Variants in GIGYF2 observed in about 807,000 individuals in gnomAD.
The protein encoded by GIGYF2 is GRB10-interacting GYF protein 2.
In GIGYF2, 25 loss-of-function variants were observed where a neutral mutation model predicts 208.1. The observed-to-expected ratio is 0.12, with a 90% CI of 0.09 to 0.17. The LOEUF (loss-of-function observed/expected upper bound fraction) is 0.17, where lower values mean the gene tolerates loss of function less well. GIGYF2 is among the 10% of genes least tolerant of loss of function. The pLI is 1.00. For missense variants in GIGYF2, 1,302 were observed against 1,579.4 expected, an observed-to-expected ratio of 0.82 and a Z score of 2.98; for synonymous variants, 534 against 543.8, an observed-to-expected ratio of 0.98 and a Z score of 0.25.
At chr2:232,706,831 A>C (rs766639351) in intron 2 of GIGYF2, among the ~76,000 whole-genome samples, 1 of 151,650 alleles carries the variant, frequency 6.6e-6, no homozygotes. Context: ...GTGGTAATGC[A>C]TGCCTTGGTC....
In GIGYF2 at chr2:232,857,170, C is replaced by T; in HGVS notation, c.*310C>T. 2 of 462,416 alleles carry T rather than the reference C, an allele frequency of 4.3e-6. No individual in the cohort carries two copies. The highest frequency in any genetic ancestry group is 2.4e-5 in the South Asian group (1 of 42,110). 28.6% of individuals were successfully genotyped at this position (462,416 alleles called of 1,614,324 possible). On this transcript the variant is annotated 3_prime_UTR_variant, in exon 29 of 29. Coordinates refer to ENST00000373563, the MANE Select transcript of GIGYF2 (RefSeq NM_001103146.3). ...TGCTGTGATTTCATCTACTGTCTCC[C>T]AGAAAGTGTGTTGGGATCGGCCATT...
chr2:232,803,482 C>T (rs980496614), intron 14 of GIGYF2, among the ~76,000 whole-genome samples: 4 of 152,000 alleles, frequency 2.6e-5, no homozygotes, highest in African/African-American at 7.2e-5. Flanking sequence ...CATTTAAGTT[C>T]ATGGTCCATT....
intron 8 of GIGYF2, among the ~76,000 whole-genome samples, chr2:232,762,593 C>T (rs1698791211): frequency 1.3e-5 from 2 of 152,074 alleles, no homozygotes; most frequent in South Asian, 4.2e-4. Flanking sequence ...TATGTAAATA[C>T]CATTCACAGA....
intron 8 of GIGYF2, among the ~76,000 whole-genome samples, chr2:232,769,527 AG>A (rs1368106844): frequency 6.7e-6 from 1 of 150,074 alleles, no homozygotes; most frequent in South Asian, 2.1e-4. Context: ...AAAAAAAAAA[AG>A]TGATATTTTG....
At position 232,850,289 on chromosome 2, in the gene GIGYF2, A is replaced by G. The variant is rs368715874; in HGVS notation, c.3712A>G (p.Thr1238Ala). The G allele has an allele frequency of 2.5e-6, 4 of 1,613,248 alleles. No homozygotes were observed. The highest frequency in any genetic ancestry group is 4.5e-5 in the East Asian group (2 of 44,888). Residue 1238 changes from threonine (T) to alanine (A), a missense_variant, in exon 28 of 29, where the codon ACA (threonine) becomes GCA (alanine). Thr to Ala is a moderately conservative substitution (Grantham distance 58). Coordinates refer to ENST00000373563, the MANE Select transcript of GIGYF2 (RefSeq NM_001103146.3). ...QDSVWGMNHS[T>A]LHSVFQTNQS... Reference sequence around the variant, plus strand: ...CTCTGTGTGGGGGATGAACCACAGTACACTCCATTCAGTATTTCAGACCAA... The same window carrying G: ...CTCTGTGTGGGGGATGAACCACAGTGCACTCCATTCAGTATTTCAGACCAA...
intron 12 of GIGYF2, among the ~76,000 whole-genome samples, chr2:232,792,146 C>T (rs73997518): frequency 0.015 from 2,330 of 152,250 alleles, 71 homozygotes; most frequent in African/African-American, 0.053. Flanking sequence ...ACTTCCCTCA[C>T]GTTCTACTTA....
At chr2:232,763,777 G>A (rs1440646284) in intron 8 of GIGYF2, among the ~76,000 whole-genome samples, 2 of 151,726 alleles carry the variant, frequency 1.3e-5, no homozygotes, top group Non-Finnish European at 2.9e-5. Flanking sequence ...GCTGCAGTGC[G>A]CTGAGATTGT....
At chr2:232,804,462 G>T (rs1474572626) in intron 14 of GIGYF2, among the ~76,000 whole-genome samples, 3 of 150,394 alleles carry the variant, frequency 2.0e-5, no homozygotes, top group African/African-American at 7.3e-5. Flanking sequence ...GTTTTTTTGG[G>T]TAGTTTCCTT....
chr2:232,746,943 A>T (rs1441762940), intron 3 of GIGYF2, among the ~76,000 whole-genome samples: 1 of 152,130 alleles, frequency 6.6e-6, no homozygotes, highest in Non-Finnish European at 1.5e-5. Context: ...TAAATGTTGT[A>T]TTTGTCAATT....
At chr2:232,801,728 CAAGA>C (rs1409853948) in intron 14 of GIGYF2, among the ~76,000 whole-genome samples, 4 of 152,120 alleles carry the variant, frequency 2.6e-5, no homozygotes, top group Non-Finnish European at 1.5e-5. Context: ...TGCTATTTTT[CAAGA>C]AAGAAACATT....
chr2:232,820,888 T>C (rs953808960), intron 21 of GIGYF2, among the ~76,000 whole-genome samples: 1 of 151,974 alleles, frequency 6.6e-6, no homozygotes, highest in African/African-American at 2.4e-5. Context: ...TGGAGTGCAG[T>C]GGCGCGATTT....
At chr2:232,704,401 T>TG (rs1695991896) in intron 2 of GIGYF2, among the ~76,000 whole-genome samples, 1 of 152,126 alleles carries the variant, frequency 6.6e-6, no homozygotes, top group African/African-American at 2.4e-5. Context: ...TAGTGCTGTT[T>TG]TTTGTTTGTT....
intron 23 of GIGYF2, 170 bp from the exon 24 acceptor site, chr2:232,843,876 T>G: frequency 1.5e-6 from 1 of 669,258 alleles, no homozygotes; most frequent in Non-Finnish European, 2.7e-6. Flanking sequence ...TTTATTCTCC[T>G]TTTTAATACT....
intron 2 of GIGYF2, among the ~76,000 whole-genome samples, chr2:232,715,797 A>G (rs1696649014): frequency 6.7e-6 from 1 of 149,046 alleles, no homozygotes; most frequent in African/African-American, 2.5e-5. Flanking sequence ...GTTTTCTGTT[A>G]TAATAGATGG....
chr2:232,851,560 C>T (rs1294857282), intron 28 of GIGYF2, among the ~76,000 whole-genome samples: 1 of 152,136 alleles, frequency 6.6e-6, no homozygotes, highest in East Asian at 1.9e-4. Context: ...GCTGAGACTA[C>T]AGGCACATGC....
At chr2:232,847,610 T>A (rs1350442109) in intron 27 of GIGYF2, 39 bp downstream of exon 27, 15 of 1,608,542 alleles carry the variant, frequency 9.3e-6, no homozygotes, top group Non-Finnish European at 1.3e-5. Flanking sequence ...CTCTGAGGAT[T>A]AATACCTTTA....
chr2:232,780,932 A>G (rs1360478257), intron 8 of GIGYF2, among the ~76,000 whole-genome samples: 9 of 151,918 alleles, frequency 5.9e-5, no homozygotes, highest in South Asian at 2.1e-4. Flanking sequence ...AATGACTTTA[A>G]TATTTATTAT....
intron 13 of GIGYF2, 88 bp downstream of exon 13, chr2:232,795,032 T>G (rs1336841263): frequency 1.0e-6 from 1 of 981,486 alleles, no homozygotes; most frequent in Non-Finnish European, 1.7e-6. Flanking sequence ...ATAAAACTTT[T>G]GTCACTAGAT....
intron 8 of GIGYF2, among the ~76,000 whole-genome samples, chr2:232,779,795 G>C (rs897284236): frequency 7.9e-5 from 12 of 152,182 alleles, no homozygotes; most frequent in African/African-American, 2.7e-4. Flanking sequence ...ATTCCTCAGG[G>C]AGAAAGTCGT....
Sources: allele counts gnomAD v4.1 joint callset (sites outside exome capture counted in the v4.1 genomes callset), GRCh38; gene constraint gnomAD v4.1.1; transcripts MANE v1.5; gene names NCBI Gene and HGNC (gene_info 2026-07-23, HGNC 2026-07-21).